ARHGEF28: variants seen among roughly 807,000 people sequenced by gnomAD.
ARHGEF28 encodes 190 kDa guanine nucleotide exchange factor.
In ARHGEF28, 152 loss-of-function variants were observed where a neutral mutation model predicts 206.6. The ratio of observed to expected loss-of-function variants is 0.74; its 90% confidence interval spans 0.64 to 0.84. The LOEUF is 0.84. ARHGEF28 is among the 40% of genes least tolerant of loss of function. The pLI, the probability that ARHGEF28 is intolerant of heterozygous loss-of-function variation, is 0.00. For synonymous variants in ARHGEF28, 763 were observed against 776.4 expected, an observed-to-expected ratio of 0.98 and a Z score of 0.29; for missense variants, 2,028 against 2,073.2, an observed-to-expected ratio of 0.98 and a Z score of 0.42.
At chr5:73,884,531 C>A (rs1418980373) in intron 24 of ARHGEF28, among the ~76,000 whole-genome samples, 1 of 152,092 alleles carries the variant, frequency 6.6e-6, no homozygotes, top group African/African-American at 2.4e-5. Context: ...ATGGTCTAAT[C>A]CTCAAGCTAA....
chr5:73,873,508 A>AC (rs1760243799), intron 22 of ARHGEF28, among the ~76,000 whole-genome samples: 2 of 152,244 alleles, frequency 1.3e-5, no homozygotes, highest in South Asian at 4.1e-4. Context: ...AAGGAAAAAA[A>AC]AATCAGGAAT....
intron 14 of ARHGEF28, among the ~76,000 whole-genome samples, chr5:73,853,688 GA>G (rs888419374): frequency 6.6e-6 from 1 of 152,120 alleles, no homozygotes; most frequent in African/African-American, 2.4e-5. Flanking sequence ...AGTAATTACT[GA>G]CAAATATTGA....
chr5:73,885,812 A>G (rs1003919705), intron 24 of ARHGEF28, 38 bp from the exon 25 acceptor site: 8 of 1,572,392 alleles, frequency 5.1e-6, no homozygotes, highest in Admixed American at 1.9e-5. Flanking sequence ...GGTTTATTGT[A>G]TAGTATTTTT....
At position 73,639,228 on chromosome 5, in the gene ARHGEF28, C is replaced by CATATAT. The variant is rs112312521; in HGVS notation, c.-12+12918_-12+12923dup. Among the ~76,000 whole-genome samples the CATATAT allele has an allele frequency of 4.7e-3, 680 of 145,078 alleles. 5 individuals carry two copies. Among genetic ancestry groups the CATATAT allele is most frequent in the African/African-American group, 0.017 (659 of 39,328 alleles). ...TAGGGAGGATTTTCATTTTCTATTACATATATATATATATATAATATATAT... is the reference window on the plus strand; with the variant it reads ...TAGGGAGGATTTTCATTTTCTATTACATATATATATATATATATATATAATATATAT... On this transcript the variant is annotated intron_variant, in intron 1 of 35. Transcript: ENST00000513042.
At chr5:73,856,681 G>A (rs1178794372) in intron 14 of ARHGEF28, among the ~76,000 whole-genome samples, 1 of 152,032 alleles carries the variant, frequency 6.6e-6, no homozygotes, top group Non-Finnish European at 1.5e-5. Flanking sequence ...AAAATATAAT[G>A]ATATATATTT....
intron 10 of ARHGEF28, among the ~76,000 whole-genome samples, chr5:73,839,446 G>A (rs986601607): frequency 6.6e-6 from 1 of 152,074 alleles, no homozygotes; most frequent in African/African-American, 2.4e-5. Context: ...TCTAAATGGT[G>A]TTACTGTCTT....
chr5:73,738,644 A>G (rs1751175414), intron 2 of ARHGEF28, among the ~76,000 whole-genome samples: 1 of 152,158 alleles, frequency 6.6e-6, no homozygotes, highest in Admixed American at 6.5e-5. Flanking sequence ...CTTTGTACAA[A>G]GGAGAGGGAC....
chr5:73,846,491 T>C lies in ARHGEF28; in HGVS notation c.1635+16T>C, dbSNP rs1323114124. The C allele has an allele frequency of 6.2e-7, 1 of 1,607,256 alleles. No individual in the cohort carries two copies. ...ACAGTCGAAGGTATTCTTATTGCTA[T>C]TAATTTGGTATATTGCAAGTGTGGA... On this transcript the variant is annotated intron_variant, in intron 12 of 35. Coordinates refer to ENST00000513042, the MANE Select transcript of ARHGEF28 (RefSeq NM_001177693.2).
At chr5:73,921,255 C>T (rs1763507475) in intron 35 of ARHGEF28, among the ~76,000 whole-genome samples, 1 of 152,040 alleles carries the variant, frequency 6.6e-6, no homozygotes, top group East Asian at 1.9e-4. Flanking sequence ...GAAATAGATC[C>T]CTTTGCTTTA....
At chr5:73,815,815 A>G (rs1376136671) in intron 9 of ARHGEF28, among the ~76,000 whole-genome samples, 1 of 152,254 alleles carries the variant, frequency 6.6e-6, no homozygotes, top group Admixed American at 6.5e-5. Context: ...ACATGACTCA[A>G]GTGAAAGCAG....
intron 22 of ARHGEF28, among the ~76,000 whole-genome samples, chr5:73,880,032 G>A (rs1001195899): frequency 1.3e-5 from 2 of 152,218 alleles, no homozygotes; most frequent in African/African-American, 4.8e-5. Context: ...CCCCAGCGGT[G>A]GAGCCTACAG....
At chr5:73,930,209 C>G (rs1183380757) in intron 35 of ARHGEF28, among the ~76,000 whole-genome samples, 1 of 152,200 alleles carries the variant, frequency 6.6e-6, no homozygotes, top group Non-Finnish European at 1.5e-5. Flanking sequence ...TACAATATAA[C>G]TATCAGCAGC....
intron 9 of ARHGEF28, among the ~76,000 whole-genome samples, chr5:73,805,808 G>T (rs112998058): frequency 0.016 from 2,383 of 152,130 alleles, 63 homozygotes; most frequent in African/African-American, 0.046. Context: ...TCTTGATCTG[G>T]CAGTTAAGAG....
chr5:73,889,101 A>C (rs560239136), intron 26 of ARHGEF28, among the ~76,000 whole-genome samples: 2 of 152,336 alleles, frequency 1.3e-5, no homozygotes, highest in East Asian at 3.9e-4. Context: ...AATATCTTAT[A>C]GTTAACACTG....
At chr5:73,651,475 T>C (rs1744824431) in intron 1 of ARHGEF28, among the ~76,000 whole-genome samples, 1 of 152,158 alleles carries the variant, frequency 6.6e-6, no homozygotes, top group Admixed American at 6.5e-5. Context: ...GGAAAGCTGG[T>C]AGAGATTGTG....
At chr5:73,807,943 T>C (rs1755610881) in intron 9 of ARHGEF28, among the ~76,000 whole-genome samples, 1 of 152,110 alleles carries the variant, frequency 6.6e-6, no homozygotes, top group Admixed American at 6.6e-5. Context: ...TGTAGACACA[T>C]ATCATATATC....
At chr5:73,674,381 A>G (rs1746526010) in intron 1 of ARHGEF28, among the ~76,000 whole-genome samples, 1 of 152,206 alleles carries the variant, frequency 6.6e-6, no homozygotes, top group African/African-American at 2.4e-5. Flanking sequence ...TACATCTGCT[A>G]AGCCACTTCT....
rs1742608815 is a variant in ARHGEF28 at position 73,941,379 on chromosome 5, A to T, written c.*366A>T. ...TCAATGAAGCAATTTGGATTTAAAGAGTGGTATTCACAAGGGGTGAACTTT... is the reference window on the plus strand; with the variant it reads ...TCAATGAAGCAATTTGGATTTAAAGTGTGGTATTCACAAGGGGTGAACTTT... On this transcript the variant is annotated 3_prime_UTR_variant, in exon 36 of 36. Transcript: ENST00000513042. 1 of 157,206 alleles carries T rather than the reference A, an allele frequency of 6.4e-6. No individual in the cohort carries two copies. Among genetic ancestry groups the T allele is most frequent in the Non-Finnish European group, 1.4e-5 (1 of 71,352 alleles). The allele number at this position is 157,206 out of a possible 1,614,324, so 9.7% of individuals were successfully genotyped here. A position where few individuals can be genotyped will look rare whatever the true frequency, so the allele number is the denominator to read the frequency against.
rs1410226972 is a variant in ARHGEF28, at chr5:73,832,405, A to C, written c.1092A>C (p.Ser364=). The C allele has an allele frequency of 6.2e-7, 1 of 1,612,614 alleles. No homozygotes were observed. Among genetic ancestry groups the C allele is most frequent in the South Asian group, 1.1e-5 (1 of 90,558 alleles). Residue 364 remains serine, a synonymous_variant, in exon 10 of 36, where the codon TCA becomes TCC. Coordinates refer to ENST00000513042, the MANE Select transcript of ARHGEF28 (RefSeq NM_001177693.2). The part of the protein sequence containing the change: ...PSTLLAAGRL[S]DMLNGGDEVY... ...CATTGCTTGCTGCAGGCCGGCTTTC[A>C]GACATGCTGAATGGAGGTGATGAAG...
Sources: allele counts gnomAD v4.1 joint callset (sites outside exome capture counted in the v4.1 genomes callset), GRCh38; gene constraint gnomAD v4.1.1; transcripts MANE v1.5; gene names NCBI Gene and HGNC (gene_info 2026-07-23, HGNC 2026-07-21).